Variants in SCMH1 observed in about 807,000 individuals in gnomAD.
SCMH1 encodes the protein polycomb protein SCMH1.
A neutral mutation model predicts 70.8 loss-of-function variants in SCMH1; 37 were observed. That is an observed-to-expected ratio of 0.52 (90% CI 0.40 to 0.69). SCMH1 has a LOEUF of 0.69. SCMH1 is among the 30% of genes least tolerant of loss of function. SCMH1 has a pLI of 0.00. For missense variants in SCMH1, 607 were observed against 827.3 expected (o/e 0.73, Z 3.27); for synonymous variants, 292 against 307.4 (o/e 0.95, Z 0.52).
chr1:41,117,026 T>C lies in SCMH1; in HGVS notation c.413-16A>G, dbSNP rs1206840754. The C allele has an allele frequency of 6.3e-7, 1 of 1,599,940 alleles. No individual in the cohort carries two copies. Among genetic ancestry groups the C allele is most frequent in the Non-Finnish European group, 8.5e-7 (1 of 1,172,846 alleles). ...AGCCGAAATCCTGCAGCAAGCATAATGGGCAACAGATTAAAAGTATGTTTC... is the reference window on the plus strand; with the variant it reads ...AGCCGAAATCCTGCAGCAAGCATAACGGGCAACAGATTAAAAGTATGTTTC... On this transcript the variant is annotated splice_polypyrimidine_tract_variant and intron_variant, in intron 6 of 14. Coordinates refer to ENST00000337495, the Ensembl canonical transcript of SCMH1.
chr1:41,242,289 C>G (rs1350661153), upstream of SCMH1: 2 of 120,716 alleles, frequency 1.7e-5, no homozygotes, highest in South Asian at 2.9e-4. This position sits in a 1 kb window ranked among gnomAD's most constrained non-coding sequence, Gnocchi z 5.2. Flanking sequence ...GCGCGCGCCT[C>G]GGCCGTTGGG....
intron 8 of SCMH1, among the ~76,000 whole-genome samples, chr1:41,097,415 G>A (rs977781932): frequency 6.6e-6 from 1 of 152,110 alleles, no homozygotes; most frequent in Non-Finnish European, 1.5e-5. Context: ...AAAGGAATGC[G>A]GCTCAAAAAA....
chr1:41,227,887 A>AGAATCAT (rs1386688681), intron 1 of SCMH1, among the ~76,000 whole-genome samples: 2 of 152,122 alleles, frequency 1.3e-5, no homozygotes, highest in African/African-American at 4.8e-5. Flanking sequence ...CTGAGGGAGG[A>AGAATCAT]GAATCATGTG....
intron 8 of SCMH1, among the ~76,000 whole-genome samples, chr1:41,080,602 T>C (rs748690400): frequency 2.0e-5 from 3 of 152,092 alleles, no homozygotes; most frequent in Non-Finnish European, 4.4e-5. Context: ...ATTTCAGAAA[T>C]ACAAAGGTTA....
At chr1:41,131,048 G>T (rs1378530554) in intron 6 of SCMH1, among the ~76,000 whole-genome samples, 2 of 152,034 alleles carry the variant, frequency 1.3e-5, no homozygotes, top group African/African-American at 4.8e-5. Flanking sequence ...TTACATTTAG[G>T]TCCATGATCC....
At chr1:41,061,118 T>A (rs146171289) in intron 10 of SCMH1, among the ~76,000 whole-genome samples, 6 of 152,298 alleles carry the variant, frequency 3.9e-5, no homozygotes, top group South Asian at 2.1e-4. Flanking sequence ...CCCTTAATCA[T>A]TCCTGGGCTT....
intron 10 of SCMH1, among the ~76,000 whole-genome samples, chr1:41,058,660 G>A (rs890554628): frequency 3.3e-5 from 5 of 152,118 alleles, no homozygotes; most frequent in Non-Finnish European, 5.9e-5. Context: ...GATTACAGGT[G>A]TGAGCCACCA....
chr1:41,232,021 CAAAA>C (rs58506638), intron 1 of SCMH1, among the ~76,000 whole-genome samples: 2 of 96,240 alleles, frequency 2.1e-5, no homozygotes, highest in Non-Finnish European at 2.1e-5. Flanking sequence ...AAGACTGTCT[CAAAA>C]AAAAAAAAAA....
intron 10 of SCMH1, among the ~76,000 whole-genome samples, chr1:41,057,876 T>G (rs1650984779): frequency 6.6e-6 from 1 of 151,960 alleles, no homozygotes; most frequent in South Asian, 2.1e-4. Flanking sequence ...CCTAGCACTT[T>G]GTGGGGGGTC....
exon 13 of SCMH1, chr1:41,037,492 G>A (rs759300840): frequency 1.2e-6 from 2 of 1,614,248 alleles, no homozygotes; most frequent in South Asian, 2.2e-5. Flanking sequence ...TTGAGTCTGA[G>A]TGTGGTTCCA....
intron 10 of SCMH1, among the ~76,000 whole-genome samples, chr1:41,070,220 T>C (rs1376315287): frequency 6.7e-6 from 1 of 149,504 alleles, no homozygotes; most frequent in African/African-American, 2.4e-5. Context: ...TCAATGATTG[T>C]TAAAAAAAAA....
In SCMH1 at chr1:41,172,421, A is replaced by C. The variant is rs949367510; in HGVS notation, c.14-10989T>G. On this transcript the variant is annotated intron_variant, in intron 2 of 14. Transcript: ENST00000337495. ...CAAGGGAAATTACAGAACATTGATG[A>C]AAGAAATGGAAAAGGACACAAAAAA... 1.3e-5 allele frequency among the ~76,000 whole-genome samples: 2 copies of C among 152,116 alleles called. 1 individual carries two copies. Among genetic ancestry groups the C allele is most frequent in the East Asian group, 3.8e-4 (2 of 5,198 alleles).
At chr1:41,190,873 T>A (rs1256851988) in intron 1 of SCMH1, among the ~76,000 whole-genome samples, 3 of 152,156 alleles carry the variant, frequency 2.0e-5, no homozygotes, top group Non-Finnish European at 4.4e-5. Flanking sequence ...AAGGTATCTT[T>A]TAAGTTAGTT....
intron 1 of SCMH1, among the ~76,000 whole-genome samples, chr1:41,195,820 A>G (rs1312887035): frequency 6.6e-6 from 1 of 152,198 alleles, no homozygotes; most frequent in Non-Finnish European, 1.5e-5. Context: ...GAAATTCTAC[A>G]GATCCCACAA....
intron 8 of SCMH1, chr1:41,098,763 C>T (rs1665785016): frequency 6.9e-6 from 1 of 144,004 alleles, no homozygotes; most frequent in Non-Finnish European, 1.5e-5. Flanking sequence ...CCCCTTCCTC[C>T]CCCCGACCCC....
At chr1:41,202,076 T>C (rs1654480638) in intron 1 of SCMH1, among the ~76,000 whole-genome samples, 1 of 152,142 alleles carries the variant, frequency 6.6e-6, no homozygotes, top group Non-Finnish European at 1.5e-5. Flanking sequence ...AGAGTCACTC[T>C]TGTTGGCCAG....
intron 1 of SCMH1, among the ~76,000 whole-genome samples, chr1:41,225,131 ATAAT>A (rs1291062508): frequency 6.6e-6 from 1 of 152,252 alleles, no homozygotes; most frequent in East Asian, 1.9e-4. Context: ...AATTTCATTA[ATAAT>A]TAATATAATT....
intron 1 of SCMH1, among the ~76,000 whole-genome samples, chr1:41,206,871 G>T (rs112444209): frequency 7.2e-5 from 11 of 152,350 alleles, no homozygotes; most frequent in Admixed American, 2.0e-4. Flanking sequence ...CCAGAAGCGA[G>T]TGGGGGCCAA....
chr1:41,049,553 C>T (rs1310084347), intron 10 of SCMH1, among the ~76,000 whole-genome samples: 2 of 150,972 alleles, frequency 1.3e-5, no homozygotes, highest in Non-Finnish European at 2.9e-5. Context: ...AGGTGGATCA[C>T]GAGGTCAGGA....
Sources: allele counts gnomAD v4.1 joint callset (sites outside exome capture counted in the v4.1 genomes callset), GRCh38; gene constraint gnomAD v4.1.1; non-coding constraint Gnocchi (gnomAD v3.1); transcripts MANE v1.5; gene names NCBI Gene and HGNC (gene_info 2026-07-23, HGNC 2026-07-21).